MICAL3: variants seen among roughly 807,000 people sequenced by gnomAD.
The protein encoded by MICAL3 is microtubule associated monooxygenase, calponin and LIM domain containing 3.
MICAL3 carries 62 observed loss-of-function variants against 207.4 expected under a neutral mutation model. The ratio of observed to expected loss-of-function variants is 0.30; its 90% CI spans 0.24 to 0.37. The LOEUF (loss-of-function observed/expected upper bound fraction) is 0.37. MICAL3 is among the 10% of genes least tolerant of loss of function. The pLI is 1.00. For synonymous variants in MICAL3, 1,077 were observed against 1,069.3 expected (o/e 1.01, Z -0.14); for missense variants, 2,368 against 2,635.6 (o/e 0.90, Z 2.22).
intron 1 of MICAL3, chr22:18,006,367 G>A (rs529297254): frequency 6.6e-6 from 1 of 152,334 alleles, no homozygotes; most frequent in South Asian, 2.1e-4. Context: ...AGGAGAAGGA[G>A]CACTAGGTTG....
At chr22:18,000,152 G>A (rs1306948185) in intron 1 of MICAL3, among the ~76,000 whole-genome samples, 1 of 151,864 alleles carries the variant, frequency 6.6e-6, no homozygotes, top group Non-Finnish European at 1.5e-5. Context: ...ACTGTCTATG[G>A]AGCAAAGTGT....
chr22:17,989,534 C>T (rs1921425662), intron 1 of MICAL3, among the ~76,000 whole-genome samples: 1 of 152,120 alleles, frequency 6.6e-6, no homozygotes, highest in South Asian at 2.1e-4. Context: ...GGCCTCCTCG[C>T]TGCCCCTGAA....
intron 1 of MICAL3, among the ~76,000 whole-genome samples, chr22:17,949,367 C>T (rs922265744): frequency 7.2e-5 from 11 of 152,126 alleles, no homozygotes; most frequent in African/African-American, 1.2e-4. Flanking sequence ...TTTTATCTTC[C>T]GAGCAACATT....
At chr22:17,804,368 G>A (rs868637816) in intron 29 of MICAL3, among the ~76,000 whole-genome samples, 2 of 152,182 alleles carry the variant, frequency 1.3e-5, no homozygotes, top group African/African-American at 2.4e-5. Context: ...GAATTCCCAC[G>A]ACCCCACTGC....
intron 1 of MICAL3, among the ~76,000 whole-genome samples, chr22:17,960,875 G>T (rs1413367753): frequency 6.6e-6 from 1 of 152,174 alleles, no homozygotes; most frequent in Non-Finnish European, 1.5e-5. Flanking sequence ...AGTCCTCCAG[G>T]CATGGAAAGA....
intron 1 of MICAL3, among the ~76,000 whole-genome samples, chr22:18,021,281 A>G (rs1485811162): frequency 6.6e-6 from 1 of 152,226 alleles, no homozygotes; most frequent in East Asian, 1.9e-4. Context: ...CAGCCCTCAC[A>G]TGGCTGGCCT....
At position 17,809,881 on chromosome 22, in the gene MICAL3, CT is replaced by C. The variant is rs532173895; in HGVS notation, c.5556+821del. On this transcript the variant is annotated intron_variant, in intron 28 of 31. Coordinates refer to ENST00000441493, the MANE Select transcript of MICAL3 (RefSeq NM_015241.3). ...CGGGAAACTCAATGCAGGGTTCTTCCTTTTTTTTTTTATTTTTATTTTTATG... is the reference window on the plus strand; with the variant it reads ...CGGGAAACTCAATGCAGGGTTCTTCCTTTTTTTTTTATTTTTATTTTTATG... 2.7e-3 allele frequency among the ~76,000 whole-genome samples: 392 copies of C among 146,458 alleles called. 1 individual carries two copies. The highest frequency in any genetic ancestry group is 3.6e-3 in the Non-Finnish European group (238 of 66,046).
At chr22:18,007,190 G>T (rs1490182140) in intron 1 of MICAL3, 1 of 152,004 alleles carries the variant, frequency 6.6e-6, no homozygotes, top group African/African-American at 2.4e-5. Flanking sequence ...CATGTTCATT[G>T]TAAAAGAATT....
intron 1 of MICAL3, among the ~76,000 whole-genome samples, chr22:17,961,485 C>G (rs1441378384): frequency 1.3e-5 from 2 of 152,046 alleles, no homozygotes; most frequent in Non-Finnish European, 2.9e-5. Context: ...AATCTGCCTC[C>G]TTCCCCCCAC....
chr22:17,963,433 C>T (rs1193082760), intron 1 of MICAL3, among the ~76,000 whole-genome samples: 4 of 152,130 alleles, frequency 2.6e-5, no homozygotes, highest in African/African-American at 9.7e-5. Context: ...CTTGCCTTCA[C>T]ATAAATGCGG....
chr22:17,833,345 G>A (rs1485285388), intron 20 of MICAL3, among the ~76,000 whole-genome samples: 3 of 152,200 alleles, frequency 2.0e-5, no homozygotes, highest in Non-Finnish European at 4.4e-5. Context: ...CAGCTTTCAC[G>A]TTAAAGCCAT....
At chr22:18,012,006 G>A (rs1301007952) in intron 1 of MICAL3, among the ~76,000 whole-genome samples, 1 of 151,898 alleles carries the variant, frequency 6.6e-6, no homozygotes, top group Non-Finnish European at 1.5e-5. Flanking sequence ...AGGCCAAGGT[G>A]GGCAGATCAC....
In MICAL3 at chr22:17,896,793, G is replaced by T; in HGVS notation, c.1137C>A (p.Asn379Lys). 6.2e-7 allele frequency: 1 copy of T among 1,614,030 alleles called. No individual in the cohort carries two copies. Among genetic ancestry groups the T allele is most frequent in the Non-Finnish European group, 8.5e-7 (1 of 1,180,016 alleles). Residue 379 changes from asparagine (N) to lysine (K), a missense_variant, in exon 8 of 32, where the codon AAC becomes AAA. Coordinates refer to ENST00000441493, the MANE Select transcript of MICAL3 (RefSeq NM_015241.3). ...CGTTCTGCTCCCGCACCAAGGCGGCGTTCTCGGAGGCATACATACAAGTGA... is the reference window on the plus strand; with the variant it reads ...CGTTCTGCTCCCGCACCAAGGCGGCTTTCTCGGAGGCATACATACAAGTGA... The part of the protein sequence containing the change: ...FDFTCMYASE[N>K]AALVREQNGH...
Position 17,900,794 on chromosome 22 carries a change from G to A in MICAL3, c.847+48C>T, listed in dbSNP as rs1235301825. 6.3e-7 allele frequency: 1 copy of A among 1,582,310 alleles called. No homozygotes were observed. The highest frequency in any genetic ancestry group is 2.2e-5 in the East Asian group (1 of 44,606). On this transcript the variant is annotated intron_variant, in intron 6 of 31. Coordinates refer to ENST00000441493, the MANE Select transcript of MICAL3 (RefSeq NM_015241.3). This position sits in a 1 kb window ranked among gnomAD's most constrained non-coding sequence, Gnocchi z 4.0. ...CAATCCCCCAAGAAAAAGCCACCAG[G>A]GACTATTTAAGTTTCTATCCTAGGG...
intron 17 of MICAL3, among the ~76,000 whole-genome samples, chr22:17,869,019 A>C (rs1339148894): frequency 1.3e-5 from 2 of 152,196 alleles, no homozygotes; most frequent in Non-Finnish European, 2.9e-5. Flanking sequence ...TGGAGATGTG[A>C]AACACAGGCG....
chr22:17,859,462 G>A (rs1347626145), intron 19 of MICAL3, among the ~76,000 whole-genome samples: 3 of 152,246 alleles, frequency 2.0e-5, no homozygotes, highest in Non-Finnish European at 4.4e-5. Context: ...CAAAATGCGG[G>A]AACAGTGCCA....
chr22:17,998,303 T>G (rs974583150), intron 1 of MICAL3, among the ~76,000 whole-genome samples: 8 of 149,708 alleles, frequency 5.3e-5, no homozygotes, highest in Non-Finnish European at 8.9e-5. Flanking sequence ...AGACTCCGTC[T>G]CAAAAAAAGA....
intron 25 of MICAL3, among the ~76,000 whole-genome samples, 155 bp from the exon 26 acceptor site, chr22:17,819,284 C>A (rs1038300280): frequency 4.6e-5 from 7 of 152,168 alleles, no homozygotes; most frequent in Admixed American, 2.6e-4. Flanking sequence ...CCAGGAAAAC[C>A]CTTTCCACTT....
intron 19 of MICAL3, among the ~76,000 whole-genome samples, chr22:17,850,355 T>C (rs1925171918): frequency 6.6e-6 from 1 of 151,302 alleles, no homozygotes; most frequent in African/African-American, 2.4e-5. Flanking sequence ...CGCAGTCCTT[T>C]GCTCTCACTC....
Sources: gnomAD v4.1 joint callset for allele counts (sites outside exome capture counted in the v4.1 genomes callset) on GRCh38, gnomAD v4.1.1 for gene constraint, Gnocchi (gnomAD v3.1) non-coding constraint, MANE v1.5 for transcripts, NCBI Gene and HGNC (gene_info 2026-07-23, HGNC 2026-07-21) for gene names.